The following PCDHGA5 variants were observed in gnomAD, a reference collection of about 807,000 sequenced individuals.
The protein encoded by PCDHGA5 is protocadherin gamma-A5.
In PCDHGA5, 36 loss-of-function variants were observed where a neutral mutation model predicts 56.7. The ratio of observed to expected loss-of-function variants is 0.64; its 90% confidence interval spans 0.49 to 0.84. The LOEUF (loss-of-function observed/expected upper bound fraction) is 0.84. Among genes scored for constraint, PCDHGA5 ranks in the 40% least tolerant of loss-of-function variants. The pLI is 0.00. For synonymous variants in PCDHGA5, 563 were observed against 520.2 expected (o/e 1.08, Z -1.12); for missense variants, 1,305 against 1,201.5 (o/e 1.09, Z -1.27).
chr5:141,382,674 C>G (rs951969894), intron 1 of PCDHGA5: 43 of 436,018 alleles, frequency 9.9e-5, no homozygotes, highest in African/African-American at 8.4e-4. Context: ...CCGCTGTTCA[C>G]CAACCAGGGA....
chr5:141,421,433 C>T, intron 1 of PCDHGA5: 1 of 1,614,074 alleles, frequency 6.2e-7, no homozygotes, highest in African/African-American at 1.3e-5. Flanking sequence ...CGCATCGTCT[C>T]CAGAGGGAAG....
intron 1 of PCDHGA5, chr5:141,410,390 G>A: frequency 6.2e-7 from 1 of 1,614,012 alleles, no homozygotes; most frequent in South Asian, 1.1e-5. Flanking sequence ...CTTCCATCCT[G>A]GTCTCTGTGT....
At chr5:141,392,722 A>G in intron 1 of PCDHGA5, 1 of 1,389,524 alleles carries the variant, frequency 7.2e-7, no homozygotes, top group African/African-American at 1.5e-5. Context: ...AGGTTTCCGG[A>G]GGATTGTCAT....
intron 1 of PCDHGA5, chr5:141,371,516 A>G: frequency 6.2e-7 from 1 of 1,613,882 alleles, no homozygotes. Flanking sequence ...CACATGATCT[A>G]GATTCTGGAT....
chr5:141,460,924 A>ATG (rs1333352687), intron 1 of PCDHGA5, among the ~76,000 whole-genome samples: 26 of 150,590 alleles, frequency 1.7e-4, no homozygotes, highest in South Asian at 6.3e-4. Flanking sequence ...ATATATATAT[A>ATG]TGTGTGTGTG....
rs920444759 is a variant in PCDHGA5, at chr5:141,432,767, C to G, written c.2422-62040C>G. On this transcript the variant is annotated intron_variant, in intron 1 of 3. Transcript: ENST00000518069. The surrounding 1 kb of genome is among the most constrained non-coding windows in gnomAD (Gnocchi z 6.0). ...CGTGGCCGTGGCCGACAGCATCCCC[C>G]AAGTCCTGGCGGACCTCGGCAGCCT... 2 of 1,614,058 alleles carry G rather than the reference C, an allele frequency of 1.2e-6. No individual in the cohort carries two copies. Among genetic ancestry groups the G allele is most frequent in the Admixed American group, 1.7e-5 (1 of 60,012 alleles).
rs1379023118 is a variant in PCDHGA5, at chr5:141,487,609, G to A, written c.2422-7198G>A. ...GCCCACCCTCTGATCTTCTCTATGG[G>A]CTAGAGGTGAGACCTTTGCAGGCTC... On this transcript the variant is annotated intron_variant, in intron 1 of 3. Transcript: ENST00000518069. The surrounding 1 kb of genome is among the most constrained non-coding windows in gnomAD (Gnocchi z 5.0). 1 of 1,614,202 alleles carries A rather than the reference G, an allele frequency of 6.2e-7. No individual in the cohort carries two copies. The highest frequency in any genetic ancestry group is 1.1e-5 in the South Asian group (1 of 91,084).
intron 1 of PCDHGA5, among the ~76,000 whole-genome samples, chr5:141,426,115 G>A (rs574477590): frequency 4.6e-5 from 7 of 152,364 alleles, no homozygotes; most frequent in South Asian, 2.1e-4. Flanking sequence ...GAAGCAAGTC[G>A]GAGAGTGGCC....
In PCDHGA5 at chr5:141,427,684, C is replaced by T. The variant is rs765112627; in HGVS notation, c.2421+60933C>T. 3.6e-6 allele frequency: 3 copies of T among 841,720 alleles called. No individual in the cohort carries two copies. In the Admixed American group the frequency reaches 5.8e-5, roughly 16 times the overall value. 52.1% of individuals were successfully genotyped at this position (841,720 alleles called of 1,614,324 possible). A position where few individuals can be genotyped will look rare whatever the true frequency, so the allele number is the denominator to read the frequency against. On this transcript the variant is annotated intron_variant, in intron 1 of 3. Transcript: ENST00000518069. The stretch of plus-strand genomic sequence containing the variant: ...GTGGCCGAAAACAACCTTCCCGGAG[C>T]CTCCATCCCACAAGTCAGCGCCTCT...
intron 1 of PCDHGA5, among the ~76,000 whole-genome samples, chr5:141,474,120 T>C (rs2099343213): frequency 6.6e-6 from 1 of 151,910 alleles, no homozygotes; most frequent in Non-Finnish European, 1.5e-5. Flanking sequence ...ACAACGAAAA[T>C]CTCAGAAAAC....
intron 3 of PCDHGA5, among the ~76,000 whole-genome samples, chr5:141,510,691 T>C (rs1013489554): frequency 4.6e-5 from 7 of 152,138 alleles, no homozygotes; most frequent in African/African-American, 1.7e-4. Flanking sequence ...GGAGGTTAGG[T>C]AGACTTGCCC....
Position 141,432,377 on chromosome 5 carries a change from C to T in PCDHGA5, c.2422-62430C>T. 3.7e-6 allele frequency: 6 copies of T among 1,614,240 alleles called. No homozygotes were observed. Among genetic ancestry groups the T allele is most frequent in the Non-Finnish European group, 5.1e-6 (6 of 1,180,046 alleles). On this transcript the variant is annotated intron_variant, in intron 1 of 3. Transcript: ENST00000518069. This position sits in a 1 kb window ranked among gnomAD's most constrained non-coding sequence, Gnocchi z 6.0. ...AGTGATGGCGCGGGACAACGGGCAC[C>T]CGCCCCTCAGCAGCAACGTGTCGTT...
rs773688197 is a variant in PCDHGA5, at chr5:141,432,412, C to T, written c.2422-62395C>T. On this transcript the variant is annotated intron_variant, in intron 1 of 3. Transcript: ENST00000518069. This position sits in a 1 kb window ranked among gnomAD's most constrained non-coding sequence, Gnocchi z 6.0. ...GCAGCAACGTGTCGTTGAGCCTGTT[C>T]GTGCTGGACCAGAACGACAATGCGC... 5 of 1,614,128 alleles carry T rather than the reference C, an allele frequency of 3.1e-6. No individual in the cohort carries two copies. The highest frequency in any genetic ancestry group is 4.5e-5 in the East Asian group (2 of 44,894).
intron 1 of PCDHGA5, chr5:141,383,160 G>T (rs770719921): frequency 1.9e-6 from 3 of 1,613,316 alleles, no homozygotes; most frequent in Admixed American, 1.7e-5. Context: ...TGGTCACTGC[G>T]GGCAGGATAG....
intron 1 of PCDHGA5, chr5:141,370,131 T>C (rs1459064446): frequency 2.5e-6 from 1 of 401,420 alleles, no homozygotes; most frequent in African/African-American, 2.0e-5. Context: ...TATTTGGAGC[T>C]GATTTAGTCA....
intron 1 of PCDHGA5, among the ~76,000 whole-genome samples, chr5:141,468,165 A>T (rs1249592462): frequency 1.3e-5 from 2 of 151,940 alleles, no homozygotes; most frequent in Non-Finnish European, 2.9e-5. Flanking sequence ...TCTCTGCTAA[A>T]AATAGAAAAA....
At chr5:141,367,353 A>G (rs1305190265) in intron 1 of PCDHGA5, 2 of 152,196 alleles carry the variant, frequency 1.3e-5, no homozygotes, top group Non-Finnish European at 2.9e-5. Context: ...CCTGGCTAAC[A>G]CGGTGAAACC....
chr5:141,433,286 T>C (rs2097581877), intron 1 of PCDHGA5: 2 of 1,143,608 alleles, frequency 1.7e-6, no homozygotes, highest in African/African-American at 1.6e-5. Flanking sequence ...CTCAAACTCC[T>C]AGGCTCAAGC....
intron 1 of PCDHGA5, chr5:141,395,486 A>G: frequency 2.0e-6 from 1 of 510,062 alleles, no homozygotes; most frequent in Non-Finnish European, 3.4e-6. Flanking sequence ...TATTCCTATT[A>G]TCACTCATTC....
Sources: gnomAD v4.1 joint callset for allele counts (sites outside exome capture counted in the v4.1 genomes callset) on GRCh38, gnomAD v4.1.1 for gene constraint, Gnocchi (gnomAD v3.1) non-coding constraint, MANE v1.5 for transcripts, NCBI Gene and HGNC (gene_info 2026-07-23, HGNC 2026-07-21) for gene names.